NUMB: variants seen among roughly 807,000 people sequenced by gnomAD.
NUMB encodes the protein NUMB endocytic adaptor protein.
A neutral mutation model predicts 59.7 loss-of-function variants in NUMB; 29 were observed. That is an observed-to-expected ratio of 0.49 (90% CI 0.36 to 0.66). NUMB has a LOEUF of 0.66. Among genes scored for constraint, NUMB ranks in the 30% least tolerant of loss-of-function variants. The pLI, the probability that NUMB is intolerant of heterozygous loss-of-function variation, is 0.00. For missense variants in NUMB, 723 were observed against 822.0 expected (o/e 0.88, Z 1.47); for synonymous variants, 288 against 288.2 (o/e 1.00, Z 0.01).
chr14:73,379,067 G>C (rs1594967373), intron 2 of NUMB, among the ~76,000 whole-genome samples: 1 of 152,238 alleles, frequency 6.6e-6, no homozygotes, highest in East Asian at 1.9e-4. Context: ...CAGATTCAAA[G>C]AGGCGGCTAA....
At chr14:73,381,792 T>C (rs1380796434) in intron 2 of NUMB, among the ~76,000 whole-genome samples, 2 of 152,112 alleles carry the variant, frequency 1.3e-5, no homozygotes, top group African/African-American at 2.4e-5. Context: ...TATAAATTAA[T>C]ATTGTTTAAA....
At chr14:73,373,566 T>C (rs1894805438) in intron 2 of NUMB, among the ~76,000 whole-genome samples, 1 of 152,138 alleles carries the variant, frequency 6.6e-6, no homozygotes, top group African/African-American at 2.4e-5. Context: ...AAGTAAATTA[T>C]ATAGCTAGTT....
chr14:73,346,976 G>T (rs991193663), intron 4 of NUMB, among the ~76,000 whole-genome samples: 1 of 152,060 alleles, frequency 6.6e-6, no homozygotes, highest in Admixed American at 6.5e-5. Flanking sequence ...AAACACAAAA[G>T]GAAATCACAG....
At chr14:73,439,693 T>A (rs1882880091) in intron 1 of NUMB, among the ~76,000 whole-genome samples, 1 of 152,100 alleles carries the variant, frequency 6.6e-6, no homozygotes, top group African/African-American at 2.4e-5. Flanking sequence ...AGAAAAAGGC[T>A]ATGTGTAATA....
chr14:73,426,029 C>CA (rs1268017323), intron 1 of NUMB, among the ~76,000 whole-genome samples: 4 of 151,998 alleles, frequency 2.6e-5, no homozygotes, highest in African/African-American at 9.7e-5. Flanking sequence ...AGTCTAGTCT[C>CA]AAACTCTTGA....
At chr14:73,456,239 A>G (rs1884362236) in intron 1 of NUMB, among the ~76,000 whole-genome samples, 2 of 151,950 alleles carry the variant, frequency 1.3e-5, no homozygotes, top group Admixed American at 6.6e-5. Context: ...CCTTCCAAGT[A>G]GCTGGGATTA....
intron 7 of NUMB, among the ~76,000 whole-genome samples, chr14:73,293,902 C>G (rs1456592335): frequency 6.6e-6 from 1 of 152,170 alleles, no homozygotes; most frequent in Non-Finnish European, 1.5e-5. Context: ...GACTCAAATA[C>G]AAGAGACATT....
intron 4 of NUMB, among the ~76,000 whole-genome samples, chr14:73,338,754 G>A (rs899642224): frequency 6.6e-6 from 1 of 152,188 alleles, no homozygotes; most frequent in Admixed American, 6.5e-5. Flanking sequence ...TTATTCCTGG[G>A]TAGCAGATGA....
At chr14:73,378,006 C>G (rs1018582656) in intron 2 of NUMB, among the ~76,000 whole-genome samples, 8 of 149,058 alleles carry the variant, frequency 5.4e-5, no homozygotes, top group Non-Finnish European at 1.2e-4. Context: ...CACACACACA[C>G]ACACACACAC....
At chr14:73,402,104 G>A (rs986843673) in intron 2 of NUMB, among the ~76,000 whole-genome samples, 27 of 151,954 alleles carry the variant, frequency 1.8e-4, no homozygotes, top group Non-Finnish European at 5.9e-5. Context: ...GAGCTCAAGT[G>A]ATTCCTCTGC....
At chr14:73,419,441 G>A (rs937719891) in intron 1 of NUMB, among the ~76,000 whole-genome samples, 2 of 152,076 alleles carry the variant, frequency 1.3e-5, no homozygotes, top group Non-Finnish European at 2.9e-5. Flanking sequence ...CCCGGGAGGC[G>A]GAGCTTGCAG....
intron 2 of NUMB, among the ~76,000 whole-genome samples, chr14:73,387,441 G>T (rs1895600450): frequency 6.6e-6 from 1 of 152,264 alleles, no homozygotes; most frequent in African/African-American, 2.4e-5. Context: ...AGTGCTACAA[G>T]GGAGTCCTTT....
intron 1 of NUMB, among the ~76,000 whole-genome samples, chr14:73,419,498 G>A (rs1350802137): frequency 6.6e-6 from 1 of 152,128 alleles, no homozygotes; most frequent in African/African-American, 2.4e-5. Context: ...GACAGAGCGA[G>A]ACTCCATCAC....
intron 4 of NUMB, among the ~76,000 whole-genome samples, chr14:73,330,359 C>T (rs943460432): frequency 1.6e-4 from 24 of 152,260 alleles, no homozygotes; most frequent in African/African-American, 5.1e-4. Flanking sequence ...TCTTCCTCTT[C>T]ACTTGACTTT....
intron 2 of NUMB, among the ~76,000 whole-genome samples, chr14:73,383,743 C>T (rs959003948): frequency 2.6e-5 from 4 of 152,054 alleles, no homozygotes; most frequent in Non-Finnish European, 4.4e-5. Flanking sequence ...GGGCTGGGCA[C>T]GGTGGCTCAC....
intron 2 of NUMB, among the ~76,000 whole-genome samples, chr14:73,380,434 A>G (rs181830007): frequency 1.5e-3 from 226 of 152,304 alleles, no homozygotes; most frequent in African/African-American, 5.3e-3. Context: ...AAGGTTTATG[A>G]CTGAGATAGT....
chr14:73,408,171 G>A (rs934180093), intron 2 of NUMB, among the ~76,000 whole-genome samples: 4 of 151,802 alleles, frequency 2.6e-5, no homozygotes, highest in Non-Finnish European at 4.4e-5. Flanking sequence ...AACTTGCAGT[G>A]AGCTGAGATT....
chr14:73,428,547 G>A (rs766723075), intron 1 of NUMB, among the ~76,000 whole-genome samples: 4 of 152,090 alleles, frequency 2.6e-5, no homozygotes, highest in Admixed American at 6.6e-5. Flanking sequence ...TAATCCCAGC[G>A]CTTTAGAAGG....
rs3028731 is a variant in NUMB, at chr14:73,395,037, T to TTGTGTGTGTGTGTGTGTG, written c.-101+14882_-101+14899dup. ...TTAAGGTTGAATAGTATTCGTGTGT[T>TTGTGTGTGTGTGTGTGTG]TGTGTGTGTGTGTGTGTGTGTGTGT... is the stretch of plus-strand genomic sequence containing the variant. On this transcript the variant is annotated intron_variant, in intron 2 of 12. Coordinates refer to ENST00000555238, the MANE Select transcript of NUMB (RefSeq NM_001005743.2). Among the ~76,000 whole-genome samples the TTGTGTGTGTGTGTGTGTG allele has an allele frequency of 1.7e-3, 203 of 119,984 alleles. 1 individual carries two copies. The highest frequency in any genetic ancestry group is 2.9e-3 in the East Asian group (11 of 3,814). The allele number at this position is 119,984 out of a possible 152,430, so 78.7% of individuals were successfully genotyped here.
Sources: gnomAD v4.1 joint callset for allele counts (sites outside exome capture counted in the v4.1 genomes callset) on GRCh38, gnomAD v4.1.1 for gene constraint, MANE v1.5 for transcripts, NCBI Gene and HGNC (gene_info 2026-07-23, HGNC 2026-07-21) for gene names.